Variants in PLXNC1 observed in about 807,000 individuals in gnomAD.
PLXNC1 encodes plexin C1.
Under a neutral mutation model 178.2 loss-of-function variants are expected in PLXNC1, and 75 were observed. That is an observed-to-expected ratio of 0.42 (90% confidence interval 0.35 to 0.51). The LOEUF is 0.51. PLXNC1 is among the 20% of genes least tolerant of loss of function. The pLI is 0.02. For synonymous variants in PLXNC1, 790 were observed against 779.9 expected, an observed-to-expected ratio of 1.01 and a Z score of -0.22; for missense variants, 1,503 against 1,984.4, an observed-to-expected ratio of 0.76 and a Z score of 4.61.
In PLXNC1 at chr12:94,297,174, T is replaced by A; in HGVS notation, c.3935-15T>A. Reference sequence around the variant, plus strand: ...TTAATGGACTGCTTTCTCTCCCTCTTTCTCTGGCATTCAGATGTGGAGTAC... The same window carrying A: ...TTAATGGACTGCTTTCTCTCCCTCTATCTCTGGCATTCAGATGTGGAGTAC... On this transcript the variant is annotated splice_polypyrimidine_tract_variant and intron_variant, in intron 24 of 30. Coordinates refer to ENST00000258526, the MANE Select transcript of PLXNC1 (RefSeq NM_005761.3). 1 of 1,613,654 alleles carries A rather than the reference T, an allele frequency of 6.2e-7. No homozygotes were observed. The highest frequency in any genetic ancestry group is 8.5e-7 in the Non-Finnish European group (1 of 1,179,852).
At chr12:94,258,607 G>A (rs1002241564) in intron 17 of PLXNC1, among the ~76,000 whole-genome samples, 1 of 152,176 alleles carries the variant, frequency 6.6e-6, no homozygotes, top group Admixed American at 6.5e-5. Context: ...GAGCTACCTA[G>A]CATTTAGAAA....
At chr12:94,158,311 T>C (rs201837820) in intron 1 of PLXNC1, 1 of 152,206 alleles carries the variant, frequency 6.6e-6, no homozygotes, top group African/African-American at 2.4e-5. Flanking sequence ...TGAGTAAGCC[T>C]GGGAGCCACA....
chr12:94,261,684 A>G lies in PLXNC1; in HGVS notation c.3450+844A>G, dbSNP rs556451270. ...TCCTTTAATTTTACCAGCCATCCAG[A>G]TTTCAGCAAAACTGCATAATTGTGT... On this transcript the variant is annotated intron_variant, in intron 20 of 30. Coordinates refer to ENST00000258526, the MANE Select transcript of PLXNC1 (RefSeq NM_005761.3). 1.2e-4 allele frequency among the ~76,000 whole-genome samples: 18 copies of G among 152,328 alleles called. 1 individual carries two copies. The highest frequency in any genetic ancestry group is 4.3e-4 in the African/African-American group (18 of 41,564).
chr12:94,294,882 A>T (rs1967745075), intron 24 of PLXNC1, among the ~76,000 whole-genome samples: 1 of 152,124 alleles, frequency 6.6e-6, no homozygotes, highest in South Asian at 2.1e-4. Context: ...ACTGAGAGGG[A>T]AGAGTACAGA....
intron 20 of PLXNC1, among the ~76,000 whole-genome samples, chr12:94,263,519 C>T (rs773141818): frequency 6.0e-5 from 9 of 150,940 alleles, no homozygotes; most frequent in Non-Finnish European, 1.0e-4. Flanking sequence ...CCAACCCCTG[C>T]GGGAGTACAC....
chr12:94,171,329 A>G (rs1251227757), intron 2 of PLXNC1, among the ~76,000 whole-genome samples: 1 of 152,100 alleles, frequency 6.6e-6, no homozygotes, highest in Non-Finnish European at 1.5e-5. Flanking sequence ...TGTTTTTTTC[A>G]AGGTTTGAAT....
chr12:94,300,988 C>A lies in PLXNC1; in HGVS notation c.4317C>A (p.Asp1439Glu). 1 of 1,613,788 alleles carries A rather than the reference C, an allele frequency of 6.2e-7. No homozygotes were observed. Among genetic ancestry groups the A allele is most frequent in the Non-Finnish European group, 8.5e-7 (1 of 1,179,728 alleles). Residue 1439 changes from aspartate to glutamate, a missense_variant, in exon 28 of 31, where the codon GAC becomes GAA. Physicochemically the swap from Asp to Glu is conservative, Grantham distance 45. Coordinates refer to ENST00000258526, the MANE Select transcript of PLXNC1 (RefSeq NM_005761.3). ...VFDIKKTPHI[D>E]GCLSVIAQAF... Reference sequence around the variant, plus strand: ...ACATTAAGAAGACACCACATATAGACGGCTGTTTGTCAGTGATTGCCCAGG... The same window carrying A: ...ACATTAAGAAGACACCACATATAGAAGGCTGTTTGTCAGTGATTGCCCAGG...
intron 16 of PLXNC1, 106 bp downstream of exon 16, chr12:94,254,994 A>G (rs1964800952): frequency 2.9e-6 from 3 of 1,025,304 alleles, no homozygotes; most frequent in Non-Finnish European, 4.4e-6. Flanking sequence ...CTGTTTGTAT[A>G]ATAGAAGGCA....
At chr12:94,248,170 T>C (rs1964584704) in intron 13 of PLXNC1, 57 bp from the exon 14 acceptor site, 1 of 1,595,938 alleles carries the variant, frequency 6.3e-7, no homozygotes. Context: ...GGTGTGTTTA[T>C]GCTCGTGAGT....
chr12:94,182,857 C>CTATA (rs570479179), intron 3 of PLXNC1, among the ~76,000 whole-genome samples: 14,078 of 141,816 alleles, frequency 0.099, 713 homozygotes, highest in African/African-American at 0.12. Flanking sequence ...TCAAGAATAT[C>CTATA]TGTATCTATC....
intron 3 of PLXNC1, among the ~76,000 whole-genome samples, chr12:94,183,063 A>C (rs976883559): frequency 6.6e-6 from 1 of 152,220 alleles, no homozygotes; most frequent in Non-Finnish European, 1.5e-5. Flanking sequence ...TTGAACATGG[A>C]AAGTGCAAAG....
chr12:94,227,369 G>C, intron 9 of PLXNC1, 134 bp downstream of exon 9: 1 of 569,710 alleles, frequency 1.8e-6, no homozygotes, highest in Non-Finnish European at 3.2e-6. Context: ...TGTGTCTTTG[G>C]TTTTTTAACC....
chr12:94,222,730 T>C (rs1003898980), intron 6 of PLXNC1, among the ~76,000 whole-genome samples: 4 of 152,242 alleles, frequency 2.6e-5, no homozygotes, highest in African/African-American at 4.8e-5. Flanking sequence ...AAAAAAAGTA[T>C]GACTTTTGCA....
intron 2 of PLXNC1, among the ~76,000 whole-genome samples, chr12:94,177,163 A>ATATATATATATACGTATATATATG (rs1565794227): frequency 1.6e-5 from 1 of 61,508 alleles, no homozygotes; most frequent in African/African-American, 8.8e-5. Flanking sequence ...ATATATATGT[A>ATATATATATATACGTATATATATG]TATATATATA....
chr12:94,238,123 T>C (rs1964290267), intron 10 of PLXNC1, among the ~76,000 whole-genome samples: 1 of 152,186 alleles, frequency 6.6e-6, no homozygotes, highest in African/African-American at 2.4e-5. Context: ...CAAACATCAT[T>C]CTTTAGGTGA....
chr12:94,249,798 GGACA>G (rs1964626672), intron 14 of PLXNC1, among the ~76,000 whole-genome samples: 1 of 152,048 alleles, frequency 6.6e-6, no homozygotes, highest in African/African-American at 2.4e-5. Context: ...GCTGTGATGG[GGACA>G]GACAGAGAAT....
At position 94,254,572 on chromosome 12, in the gene PLXNC1, G is replaced by C. The variant is rs759859800; in HGVS notation, c.2882-215G>C. Reference sequence around the variant, plus strand: ...TTTTGGTTTTTTTCTGCTGCATTTTGGCATCTTCCTCTTCAGAGTGACCCC... The same window carrying C: ...TTTTGGTTTTTTTCTGCTGCATTTTCGCATCTTCCTCTTCAGAGTGACCCC... On this transcript the variant is annotated intron_variant, in intron 15 of 30. Transcript: ENST00000258526. 3.2e-5 allele frequency: 22 copies of C among 680,138 alleles called. No homozygotes were observed. In the African/African-American group the frequency reaches 3.7e-4, roughly 11 times the overall value. 42.1% of individuals were successfully genotyped at this position (680,138 alleles called of 1,614,324 possible). A position where few individuals can be genotyped will look rare whatever the true frequency, so the allele number is the denominator to read the frequency against.
At chr12:94,174,570 C>A (rs984285309) in intron 2 of PLXNC1, among the ~76,000 whole-genome samples, 1 of 152,206 alleles carries the variant, frequency 6.6e-6, no homozygotes, top group Non-Finnish European at 1.5e-5. Flanking sequence ...AAACTCTGTA[C>A]TGCCTAAAGA....
At position 94,294,541 on chromosome 12, in the gene PLXNC1, G is replaced by A; in HGVS notation, c.3934+1G>A. ...AAGAAGATAGCAAATTTTACTTCAG[G>A]TAACCAATATAATATTGTTAACCTT... On this transcript the variant is annotated splice_donor_variant, in intron 24 of 30. Transcript: ENST00000258526. LOFTEE classifies it high-confidence loss of function. 1 of 1,232,216 alleles carries A rather than the reference G, an allele frequency of 8.1e-7. No homozygotes were observed. Among genetic ancestry groups the A allele is most frequent in the Non-Finnish European group, 1.2e-6 (1 of 842,788 alleles). The allele number at this position is 1,232,216 out of a possible 1,614,324, so 76.3% of individuals were successfully genotyped here.
Sources: gnomAD v4.1 joint callset for allele counts (sites outside exome capture counted in the v4.1 genomes callset) on GRCh38, gnomAD v4.1.1 for gene constraint, MANE v1.5 for transcripts, NCBI Gene and HGNC (gene_info 2026-07-23, HGNC 2026-07-21) for gene names.